Variants in CRB1 observed in about 807,000 individuals in gnomAD.
CRB1 encodes crumbs cell polarity complex component 1.
In CRB1, 83 loss-of-function variants were observed where a neutral mutation model predicts 120.0. The ratio of observed to expected loss-of-function variants is 0.69; its 90% confidence interval spans 0.58 to 0.83. The LOEUF (loss-of-function observed/expected upper bound fraction) is 0.83, where lower values mean the gene tolerates loss of function less well. Among genes scored for constraint, CRB1 ranks in the 40% least tolerant of loss-of-function variants. The probability of loss-of-function intolerance (pLI) is 0.00; values close to 1 mark genes in which losing one functional copy is unlikely to be tolerated. For missense variants in CRB1, 1,699 were observed against 1,687.6 expected, an observed-to-expected ratio of 1.01 and a Z score of -0.12; for synonymous variants, 625 against 612.5, an observed-to-expected ratio of 1.02 and a Z score of -0.30.
chr1:197,228,851 C>T, the CRB1 span, among the ~76,000 whole-genome samples: 5 of 152,066 alleles, frequency 3.3e-5, no homozygotes, highest in South Asian at 2.1e-4. Context: ...AGAATCATGG[C>T]GAGAAGTGAA....
intron 11 of CRB1, 102 bp downstream of exon 11, chr1:197,442,394 G>A: frequency 1.2e-6 from 2 of 1,606,332 alleles, no homozygotes; most frequent in Non-Finnish European, 8.5e-7. Flanking sequence ...CAGTTGTTGA[G>A]TGGGGTGAAC....
upstream of CRB1, among the ~76,000 whole-genome samples, chr1:197,266,497 A>T (rs984410210): frequency 3.9e-5 from 6 of 152,138 alleles, no homozygotes; most frequent in African/African-American, 1.4e-4. Context: ...GAAGGGGGGA[A>T]AACATTCAGA....
rs559548551 is a variant in CRB1 at position 197,390,330 on chromosome 1, G to A, written c.1172-30670G>A. Among the ~76,000 whole-genome samples the A allele has an allele frequency of 1.3e-4, 20 of 152,190 alleles. No homozygotes were observed. In the South Asian group the frequency reaches 3.7e-3, roughly 28 times the overall value. ...ATAACAATTAAATATTCTGTGCTCA[G>A]AGGAGGTAAATGGATGAATAGACAG... is the stretch of plus-strand genomic sequence containing the variant. On this transcript the variant is annotated intron_variant, in intron 5 of 11. Coordinates refer to ENST00000367400, the MANE Select transcript of CRB1 (RefSeq NM_201253.3).
At chr1:197,210,408 A>G in the CRB1 span, among the ~76,000 whole-genome samples, 5 of 152,274 alleles carry the variant, frequency 3.3e-5, no homozygotes, top group East Asian at 9.7e-4. Flanking sequence ...GAAGAAAAAG[A>G]AATTATCTCC....
chr1:197,229,860 T>TA, the CRB1 span, among the ~76,000 whole-genome samples: 2,252 of 151,662 alleles, frequency 0.015, 48 homozygotes, highest in African/African-American at 0.043. Context: ...GGGGCAAAAA[T>TA]AAAAAAAAGA....
chr1:197,224,711 C>G, the CRB1 span, among the ~76,000 whole-genome samples: 2 of 151,974 alleles, frequency 1.3e-5, no homozygotes, highest in African/African-American at 4.8e-5. Flanking sequence ...ATAATTCATG[C>G]TGAAGATACA....
rs112260035 is a variant in CRB1 at position 197,470,175 on chromosome 1, T to A, written c.4006-7489T>A. On this transcript the variant is annotated intron_variant, in intron 11 of 11. Transcript: ENST00000367400. ...TGCAATGTCTTTGTGGAACAGACAC[T>A]GTTCCAGGTGCCAGGGAAACAATTG... is the stretch of plus-strand genomic sequence containing the variant. Among the ~76,000 whole-genome samples, 223 of 152,332 alleles carry A rather than the reference T, an allele frequency of 1.5e-3. 4 individuals carry two copies. The highest frequency in any genetic ancestry group is 5.2e-3 in the African/African-American group (215 of 41,578).
chr1:197,247,502 A>G, the CRB1 span, among the ~76,000 whole-genome samples: 131,232 of 152,036 alleles, frequency 0.86, 57,088 homozygotes, highest in East Asian at 1. Flanking sequence ...GCAGCTAGAA[A>G]AAGATTATAA....
At chr1:197,332,286 AG>A (rs1350609042) in intron 2 of CRB1, among the ~76,000 whole-genome samples, 3 of 152,204 alleles carry the variant, frequency 2.0e-5, no homozygotes, top group Admixed American at 2.0e-4. Flanking sequence ...ACATCCCTGT[AG>A]GGTCCAATGG....
chr1:197,284,614 T>C (rs1335988096), intron 1 of CRB1, among the ~76,000 whole-genome samples: 1 of 151,922 alleles, frequency 6.6e-6, no homozygotes, highest in Non-Finnish European at 1.5e-5. Context: ...TATTCCTCAG[T>C]TGCTGCTGCA....
At chr1:197,453,074 A>T (rs188857947) in intron 11 of CRB1, among the ~76,000 whole-genome samples, 13 of 152,090 alleles carry the variant, frequency 8.5e-5, no homozygotes, top group Admixed American at 2.6e-4. Flanking sequence ...ATGCTGCAAT[A>T]GGAATGAACC....
chr1:197,381,749 A>G (rs1394675726), intron 5 of CRB1, among the ~76,000 whole-genome samples: 1 of 152,218 alleles, frequency 6.6e-6, no homozygotes. Flanking sequence ...TTAATATGAA[A>G]ACTTTCCACA....
intron 5 of CRB1, among the ~76,000 whole-genome samples, chr1:197,398,890 GAT>G (rs1365131928): frequency 9.7e-4 from 120 of 124,096 alleles, no homozygotes; most frequent in African/African-American, 3.1e-3. Flanking sequence ...GTCAGGAAAT[GAT>G]TGTGTGTGTG....
chr1:197,401,822 G>A (rs140912540), intron 5 of CRB1, among the ~76,000 whole-genome samples: 77 of 152,118 alleles, frequency 5.1e-4, no homozygotes, highest in African/African-American at 1.8e-3. Flanking sequence ...AAATTTGAAT[G>A]ACAGTTTCTC....
At chr1:197,417,942 A>G (rs1052643825) in intron 5 of CRB1, among the ~76,000 whole-genome samples, 1 of 152,180 alleles carries the variant, frequency 6.6e-6, no homozygotes, top group Non-Finnish European at 1.5e-5. Context: ...GAAATTTTTG[A>G]TCATTATATG....
At chr1:197,419,809 CAAA>C (rs551970933) in intron 5 of CRB1, among the ~76,000 whole-genome samples, 2 of 127,230 alleles carry the variant, frequency 1.6e-5, no homozygotes, top group Admixed American at 8.1e-5. Context: ...CCCATCTCTA[CAAA>C]AAAAAAAAAA....
chr1:197,436,601 G>A lies in CRB1; in HGVS notation c.3749+989G>A, dbSNP rs141865448. 7.0e-3 allele frequency among the ~76,000 whole-genome samples: 1,057 copies of A among 151,982 alleles called. 14 individuals are homozygous for A. Among genetic ancestry groups the A allele is most frequent in the African/African-American group, 0.024 (989 of 41,488 alleles). On this transcript the variant is annotated intron_variant, in intron 9 of 11. Coordinates refer to ENST00000367400, the MANE Select transcript of CRB1 (RefSeq NM_201253.3). ...AGGACAATCTAAAGAATATGTATAC[G>A]TATATATACAAACAAGAATGAGTGA... is the stretch of plus-strand genomic sequence containing the variant.
intron 1 of CRB1, among the ~76,000 whole-genome samples, chr1:197,324,741 A>G (rs557406715): frequency 6.6e-6 from 1 of 152,306 alleles, no homozygotes; most frequent in African/African-American, 2.4e-5. Flanking sequence ...ATGGCTCCAC[A>G]TCATTTTCTT....
chr1:197,330,991 G>A (rs886237668), intron 2 of CRB1, among the ~76,000 whole-genome samples: 2 of 152,088 alleles, frequency 1.3e-5, no homozygotes, highest in Non-Finnish European at 2.9e-5. Flanking sequence ...TCAGGAGATC[G>A]AGACTACTGT....
Sources: allele counts gnomAD v4.1 joint callset (sites outside exome capture counted in the v4.1 genomes callset), GRCh38; gene constraint gnomAD v4.1.1; transcripts MANE v1.5; gene names NCBI Gene and HGNC (gene_info 2026-07-23, HGNC 2026-07-21).